Variants in CAMKMT observed in about 807,000 individuals in gnomAD.
CAMKMT encodes the protein CaM KMT.
CAMKMT carries 53 observed loss-of-function variants against 48.0 expected under a neutral mutation model. That is an observed-to-expected ratio of 1.10 (90% CI 0.89 to 1.39). The LOEUF is 1.39. CAMKMT is among the 40% of genes most tolerant of loss of function. CAMKMT has a pLI of 0.00. For synonymous variants in CAMKMT, 165 were observed against 152.3 expected (o/e 1.08, Z -0.61); for missense variants, 428 against 402.7 (o/e 1.06, Z -0.54).
chr2:44,521,993 C>T (rs1030810535), intron 3 of CAMKMT, among the ~76,000 whole-genome samples: 1 of 151,330 alleles, frequency 6.6e-6, no homozygotes, highest in Non-Finnish European at 1.5e-5. Flanking sequence ...CCTCTGTTTT[C>T]TCTTCTTTTC....
chr2:44,685,952 G>T (rs770982249), intron 3 of CAMKMT, among the ~76,000 whole-genome samples: 1 of 151,896 alleles, frequency 6.6e-6, no homozygotes, highest in Non-Finnish European at 1.5e-5. Context: ...AATCTGATAC[G>T]CATTTCTTTG....
At chr2:44,744,308 G>A (rs1044294806) in intron 8 of CAMKMT, among the ~76,000 whole-genome samples, 1 of 152,132 alleles carries the variant, frequency 6.6e-6, no homozygotes, top group Admixed American at 6.5e-5. Flanking sequence ...TCTCTGTCAG[G>A]TGCCTGCCTT....
intron 3 of CAMKMT, among the ~76,000 whole-genome samples, chr2:44,671,823 T>C (rs1368339251): frequency 3.3e-5 from 5 of 152,174 alleles, no homozygotes; most frequent in Non-Finnish European, 5.9e-5. Flanking sequence ...TCATGATTTT[T>C]TGAAAACCGA....
chr2:44,364,991 G>A (rs902066030), intron 1 of CAMKMT, among the ~76,000 whole-genome samples: 1 of 152,194 alleles, frequency 6.6e-6, no homozygotes, highest in Non-Finnish European at 1.5e-5. Flanking sequence ...TCCTTCCTTG[G>A]AGGTGACAAA....
intron 3 of CAMKMT, among the ~76,000 whole-genome samples, chr2:44,588,171 C>T (rs200600269): frequency 0.16 from 16,154 of 101,796 alleles, 170 homozygotes; most frequent in Admixed American, 0.23. Flanking sequence ...CCGGCCGCCC[C>T]GTCTGAGAAG....
At chr2:44,367,824 G>A (rs1256107366) in intron 1 of CAMKMT, among the ~76,000 whole-genome samples, 11 of 152,340 alleles carry the variant, frequency 7.2e-5, no homozygotes, top group East Asian at 3.9e-4. Flanking sequence ...GTGGGGAAGT[G>A]TAGTTGCCTG....
intron 3 of CAMKMT, among the ~76,000 whole-genome samples, chr2:44,402,306 G>GC (rs61338898): frequency 3.9e-5 from 2 of 51,484 alleles, no homozygotes; most frequent in African/African-American, 7.3e-5. Flanking sequence ...CCCAGCTTGG[G>GC]TGACACAGCA....
At chr2:44,446,665 C>T (rs1219433214) in intron 3 of CAMKMT, among the ~76,000 whole-genome samples, 2 of 152,100 alleles carry the variant, frequency 1.3e-5, no homozygotes, top group Admixed American at 6.6e-5. Context: ...TATTCTCATT[C>T]ACTTCAACAA....
chr2:44,667,195 C>T (rs1419002440), intron 3 of CAMKMT, among the ~76,000 whole-genome samples: 1 of 152,198 alleles, frequency 6.6e-6, no homozygotes, highest in African/African-American at 2.4e-5. Context: ...CAACAGTTCC[C>T]TGAGGGCCTT....
chr2:44,553,142 A>T (rs1427728961), intron 3 of CAMKMT, among the ~76,000 whole-genome samples: 1 of 152,218 alleles, frequency 6.6e-6, no homozygotes, highest in Admixed American at 6.5e-5. Context: ...TTCAGCAAGT[A>T]GTAGACACTA....
intron 3 of CAMKMT, among the ~76,000 whole-genome samples, chr2:44,626,139 T>G (rs1119013): frequency 1.3e-5 from 2 of 151,902 alleles, no homozygotes; most frequent in African/African-American, 4.8e-5. Context: ...TAATATTGAG[T>G]CTTTTGATCC....
At chr2:44,499,692 C>G (rs1172411222) in intron 3 of CAMKMT, among the ~76,000 whole-genome samples, 3 of 152,132 alleles carry the variant, frequency 2.0e-5, no homozygotes, top group Non-Finnish European at 2.9e-5. Flanking sequence ...TTGGGGTATC[C>G]CAGATCTTCC....
intron 3 of CAMKMT, among the ~76,000 whole-genome samples, chr2:44,662,708 T>C (rs1404568029): frequency 6.6e-6 from 1 of 152,146 alleles, no homozygotes; most frequent in Non-Finnish European, 1.5e-5. Context: ...CTGAGTAGCA[T>C]ATGCATCACC....
chr2:44,388,533 A>G (rs1328965246), intron 2 of CAMKMT, among the ~76,000 whole-genome samples: 1 of 152,020 alleles, frequency 6.6e-6, no homozygotes, highest in Non-Finnish European at 1.5e-5. Flanking sequence ...CTTGGTCCGG[A>G]TCCGTTGCTG....
At chr2:44,473,655 A>C (rs185885692) in intron 3 of CAMKMT, among the ~76,000 whole-genome samples, 37 of 152,350 alleles carry the variant, frequency 2.4e-4, no homozygotes, top group Admixed American at 2.3e-3. Context: ...GAAGTTACAA[A>C]ATATAAAAAC....
At chr2:44,465,770 C>G (rs1668079989) in intron 3 of CAMKMT, among the ~76,000 whole-genome samples, 1 of 152,180 alleles carries the variant, frequency 6.6e-6, no homozygotes, top group African/African-American at 2.4e-5. Context: ...ATAAAAACTT[C>G]AAACAATAAA....
At chr2:44,487,274 A>G (rs546743510) in intron 3 of CAMKMT, among the ~76,000 whole-genome samples, 33 of 152,240 alleles carry the variant, frequency 2.2e-4, no homozygotes, top group African/African-American at 6.3e-4. Context: ...TTCTGATAAC[A>G]TAGAGCTTAG....
intron 3 of CAMKMT, among the ~76,000 whole-genome samples, chr2:44,435,892 T>C (rs928533961): frequency 1.3e-5 from 2 of 152,224 alleles, no homozygotes; most frequent in African/African-American, 4.8e-5. Flanking sequence ...GACATAATAA[T>C]GGTTTTCATT....
intron 3 of CAMKMT, among the ~76,000 whole-genome samples, chr2:44,633,984 T>G (rs1005524414): frequency 6.6e-6 from 1 of 152,198 alleles, no homozygotes; most frequent in Non-Finnish European, 1.5e-5. Context: ...GACCTTTACT[T>G]TATGCTAGTT....
Sources: gnomAD v4.1 joint callset for allele counts (sites outside exome capture counted in the v4.1 genomes callset) on GRCh38, gnomAD v4.1.1 for gene constraint, MANE v1.5 for transcripts, NCBI Gene and HGNC (gene_info 2026-07-23, HGNC 2026-07-21) for gene names.